Variants in TMTC1 observed in about 807,000 individuals in gnomAD.
TMTC1 encodes the protein transmembrane O-mannosyltransferase targeting cadherins 1.
Under a neutral mutation model 104.8 loss-of-function variants are expected in TMTC1, and 73 were observed. The ratio of observed to expected loss-of-function variants is 0.70; its 90% CI spans 0.58 to 0.85. The LOEUF is 0.85. Ranked by LOEUF, TMTC1 falls within the 40% of genes least tolerant of loss-of-function variation. TMTC1 has a pLI of 0.00. For synonymous variants in TMTC1, 434 were observed against 428.7 expected (o/e 1.01, Z -0.15); for missense variants, 1,035 against 1,096.1 (o/e 0.94, Z 0.79).
At chr12:29,672,664 C>T (rs1022107852) in intron 5 of TMTC1, among the ~76,000 whole-genome samples, 8 of 152,186 alleles carry the variant, frequency 5.3e-5, no homozygotes, top group African/African-American at 1.9e-4. Flanking sequence ...TCCTCATTCA[C>T]ATGCTCTGAA....
intron 9 of TMTC1, among the ~76,000 whole-genome samples, chr12:29,568,216 A>T (rs907248894): frequency 1.3e-5 from 2 of 152,206 alleles, no homozygotes; most frequent in Admixed American, 6.5e-5. Context: ...TTTGTATAGG[A>T]GCATTAAAAG....
At chr12:29,733,716 G>A (rs1187281356) in intron 5 of TMTC1, among the ~76,000 whole-genome samples, 4 of 152,166 alleles carry the variant, frequency 2.6e-5, no homozygotes, top group African/African-American at 9.7e-5. Context: ...TTATGCCTCA[G>A]TGTGAGCTTG....
At chr12:29,647,665 T>C (rs2136583507) in intron 5 of TMTC1, among the ~76,000 whole-genome samples, 1 of 152,290 alleles carries the variant, frequency 6.6e-6, no homozygotes, top group South Asian at 2.1e-4. Context: ...CTTGATCTTT[T>C]CCTACAAAGT....
At chr12:29,547,208 C>A (rs1050582241) in intron 10 of TMTC1, among the ~76,000 whole-genome samples, 1 of 152,108 alleles carries the variant, frequency 6.6e-6, no homozygotes, top group Admixed American at 6.6e-5. Context: ...AAACAAAAAC[C>A]AGGGGATTCC....
intron 12 of TMTC1, 40 bp from the exon 13 acceptor site, chr12:29,518,647 T>C: frequency 6.2e-7 from 1 of 1,603,298 alleles, no homozygotes; most frequent in Non-Finnish European, 8.5e-7. Context: ...GAACATGCCT[T>C]TTTATAAAAG....
intron 10 of TMTC1, among the ~76,000 whole-genome samples, chr12:29,539,497 T>C (rs1944735792): frequency 6.6e-6 from 1 of 152,184 alleles, no homozygotes; most frequent in African/African-American, 2.4e-5. Context: ...TTTATTAATG[T>C]CCAACTACCT....
intron 3 of TMTC1, among the ~76,000 whole-genome samples, chr12:29,758,119 T>C (rs1273934094): frequency 6.6e-6 from 1 of 152,160 alleles, no homozygotes; most frequent in Non-Finnish European, 1.5e-5. Flanking sequence ...ATGACTCAGA[T>C]GAGAATCTGA....
At chr12:29,759,137 G>A (rs413007) in intron 2 of TMTC1, among the ~76,000 whole-genome samples, 133,509 of 151,940 alleles carry the variant, frequency 0.88, 60,072 homozygotes, top group East Asian at 0.99. Flanking sequence ...TGTGTACCAT[G>A]CTGCTAATGG....
intron 5 of TMTC1, among the ~76,000 whole-genome samples, chr12:29,708,494 T>C (rs1334265198): frequency 6.6e-6 from 1 of 152,140 alleles, no homozygotes; most frequent in Non-Finnish European, 1.5e-5. Flanking sequence ...TTTGAAAATC[T>C]AAAAACAAAC....
chr12:29,716,045 G>C (rs1270643774), intron 5 of TMTC1, among the ~76,000 whole-genome samples: 2 of 146,592 alleles, frequency 1.4e-5, no homozygotes, highest in Non-Finnish European at 3.0e-5. Context: ...TAGAAACAGG[G>C]TCTCACTCTG....
chr12:29,598,435 A>G (rs978327556), intron 7 of TMTC1, among the ~76,000 whole-genome samples: 7 of 152,228 alleles, frequency 4.6e-5, no homozygotes, highest in Non-Finnish European at 8.8e-5. Context: ...TGATTTCAAG[A>G]CAGCATTCTG....
chr12:29,514,314 T>G (rs1199616040), intron 16 of TMTC1, among the ~76,000 whole-genome samples, 168 bp downstream of exon 16: 2 of 152,124 alleles, frequency 1.3e-5, no homozygotes, highest in Non-Finnish European at 2.9e-5. Context: ...AGATGCTCAA[T>G]GATAAAAAAT....
At chr12:29,711,364 A>T (rs982842052) in intron 5 of TMTC1, among the ~76,000 whole-genome samples, 2 of 152,190 alleles carry the variant, frequency 1.3e-5, no homozygotes, top group African/African-American at 4.8e-5. Flanking sequence ...ACTATAAGGG[A>T]TTATTAAAGT....
chr12:29,512,410 T>C (rs1943864893), intron 16 of TMTC1, among the ~76,000 whole-genome samples: 1 of 152,244 alleles, frequency 6.6e-6, no homozygotes, highest in South Asian at 2.1e-4. Context: ...CATTTTTAAC[T>C]GGCCTTGACC....
intron 5 of TMTC1, among the ~76,000 whole-genome samples, chr12:29,693,711 T>A (rs983528634): frequency 6.6e-6 from 1 of 152,210 alleles, no homozygotes; most frequent in Non-Finnish European, 1.5e-5. Context: ...ACTAGTATCA[T>A]TTTTTATATA....
intron 8 of TMTC1, among the ~76,000 whole-genome samples, chr12:29,575,276 G>C (rs1212634763): frequency 6.6e-6 from 1 of 152,150 alleles, no homozygotes; most frequent in African/African-American, 2.4e-5. Context: ...GAGACAGGCA[G>C]ACAACTGATG....
intron 11 of TMTC1, among the ~76,000 whole-genome samples, chr12:29,528,946 T>C (rs1447538157): frequency 2.0e-5 from 3 of 152,170 alleles, no homozygotes; most frequent in Admixed American, 2.0e-4. Context: ...GGCATTAGTT[T>C]ATATTTTTGT....
chr12:29,546,925 C>A (rs1944958296), intron 10 of TMTC1, among the ~76,000 whole-genome samples: 1 of 152,002 alleles, frequency 6.6e-6, no homozygotes, highest in African/African-American at 2.4e-5. Context: ...CCTCTTTCAC[C>A]TTGAGTTATT....
At chr12:29,653,262 T>C (rs2136609631) in intron 5 of TMTC1, among the ~76,000 whole-genome samples, 1 of 151,796 alleles carries the variant, frequency 6.6e-6, no homozygotes, top group Non-Finnish European at 1.5e-5. Flanking sequence ...CAGAGACAAA[T>C]TAGGAAGCTA....
Sources: allele counts gnomAD v4.1 joint callset (sites outside exome capture counted in the v4.1 genomes callset), GRCh38; gene constraint gnomAD v4.1.1; transcripts MANE v1.5; gene names NCBI Gene and HGNC (gene_info 2026-07-23, HGNC 2026-07-21).